The following EPN1 variants were observed in gnomAD, a reference collection of about 807,000 sequenced individuals.
EPN1 encodes epsin 1, also known as epsin-1.
In EPN1, 25 loss-of-function variants were observed where a neutral mutation model predicts 56.9. The observed-to-expected ratio is 0.44, with a 90% CI of 0.32 to 0.61. The LOEUF is 0.61. Among genes scored for constraint, EPN1 ranks in the 20% least tolerant of loss-of-function variants. The pLI is 0.05. For missense variants in EPN1, 785 were observed against 823.7 expected (o/e 0.95, Z 0.58); for synonymous variants, 411 against 361.8 (o/e 1.14, Z -1.54).
At chr19:55,683,965 C>T (rs1373630509) in intron 2 of EPN1, among the ~76,000 whole-genome samples, 1 of 152,180 alleles carries the variant, frequency 6.6e-6, no homozygotes, top group Admixed American at 6.5e-5. Flanking sequence ...GGTCTGAACT[C>T]AGGAAAATTC....
In EPN1 at chr19:55,698,602, C is replaced by G. The variant is rs1020528043; in HGVS notation, c.*3246C>G. 3.9e-5 allele frequency: 6 copies of G among 152,516 alleles called. No individual in the cohort carries two copies. The highest frequency in any genetic ancestry group is 2.0e-4 in the Admixed American group (3 of 15,282). 9.4% of individuals were successfully genotyped at this position (152,516 alleles called of 1,614,324 possible). A position where few individuals can be genotyped will look rare whatever the true frequency, so the allele number is the denominator to read the frequency against. On this transcript the variant is annotated 3_prime_UTR_variant, in exon 11 of 11. Transcript: ENST00000270460. ...CCTCGCCCTACGCTTGCCCCTCGCT[C>G]TGGAGCTGCGATGCCAGCCTCAGGG...
rs940025275 is a variant in EPN1, at chr19:55,704,969, T to C, written c.*9613T>C. 14 of 152,392 alleles carry C rather than the reference T, an allele frequency of 9.2e-5. No individual in the cohort carries two copies. The highest frequency in any genetic ancestry group is 3.4e-4 in the African/African-American group (14 of 41,574). The allele number at this position is 152,392 out of a possible 1,614,324, so 9.4% of individuals were successfully genotyped here. ...TTCTCATCCACTTCCCAAGCATCTC[T>C]GGCTGAATGCTGTTCTACACATGCA... On this transcript the variant is annotated 3_prime_UTR_variant, in exon 11 of 11. Coordinates refer to ENST00000270460, the MANE Select transcript of EPN1 (RefSeq NM_001130072.2).
At chr19:55,679,905 T>C (rs946327422) in intron 2 of EPN1, among the ~76,000 whole-genome samples, 9 of 152,240 alleles carry the variant, frequency 5.9e-5, no homozygotes, top group African/African-American at 1.9e-4. Context: ...TGAGCCTCTC[T>C]GGAGGCAACG....
intron 3 of EPN1, 22 bp from the exon 4 acceptor site, chr19:55,688,848 G>A (rs756339147): frequency 1.1e-5 from 17 of 1,568,890 alleles, no homozygotes; most frequent in Non-Finnish European, 1.4e-5. Context: ...TGGGTCTCAC[G>A]CGTTTCTCAC....
chr19:55,699,838 C>T lies in EPN1; in HGVS notation c.*4482C>T, dbSNP rs1354209871. ...GTTTTGTATTGAATGTTTCTTCATG[C>T]TTTTGTTTTACTTTCAGGGATAATT... On this transcript the variant is annotated 3_prime_UTR_variant, in exon 11 of 11. Coordinates refer to ENST00000270460, the MANE Select transcript of EPN1 (RefSeq NM_001130072.2). The T allele has an allele frequency of 6.6e-6, 1 of 151,972 alleles. No homozygotes were observed. Among genetic ancestry groups the T allele is most frequent in the Non-Finnish European group, 1.5e-5 (1 of 67,998 alleles). The allele number at this position is 151,972 out of a possible 1,614,324, so 9.4% of individuals were successfully genotyped here.
In EPN1 at chr19:55,705,532, C is replaced by G. The variant is rs989737246; in HGVS notation, c.*10176C>G. ...TGCATAGTGGCATGCACCTGTAGTCCCAGCTACTCGGGATGCTGAGATGGG... is the reference window on the plus strand; with the variant it reads ...TGCATAGTGGCATGCACCTGTAGTCGCAGCTACTCGGGATGCTGAGATGGG... On this transcript the variant is annotated 3_prime_UTR_variant, in exon 11 of 11. Coordinates refer to ENST00000270460, the MANE Select transcript of EPN1 (RefSeq NM_001130072.2). 6.6e-6 allele frequency: 1 copy of G among 152,022 alleles called. No individual in the cohort carries two copies. The highest frequency in any genetic ancestry group is 2.4e-5 in the African/African-American group (1 of 41,348). The allele number at this position is 152,022 out of a possible 1,614,324, so 9.4% of individuals were successfully genotyped here.
rs1568582359 is a variant in EPN1, at chr19:55,695,281, TGGC to T, written c.1659_1661del (p.Gly555del). On this transcript the variant is annotated inframe_deletion, in exon 11 of 11. Transcript: ENST00000270460. This position sits in a 1 kb window ranked among gnomAD's most constrained non-coding sequence, Gnocchi z 4.4. Reference sequence around the variant, plus strand: ...CGCCACCCACGTACATCTCTCCCCTTGGCGGGGGCCCTGGCCTGCCCCCCATGA... The same window carrying T: ...CGCCACCCACGTACATCTCTCCCCTTGGGGGCCCTGGCCTGCCCCCCATGA... 1 of 1,595,910 alleles carries T rather than the reference TGGC, an allele frequency of 6.3e-7. No homozygotes were observed. Among genetic ancestry groups the T allele is most frequent in the East Asian group, 2.3e-5 (1 of 43,550 alleles).
At position 55,695,443 on chromosome 19, in the gene EPN1, G is replaced by A. The variant is rs536568293; in HGVS notation, c.*87G>A. 9.8e-6 allele frequency: 7 copies of A among 717,784 alleles called. No individual in the cohort carries two copies. The highest frequency in any genetic ancestry group is 1.8e-5 in the South Asian group (1 of 55,238). 44.5% of individuals were successfully genotyped at this position (717,784 alleles called of 1,614,324 possible). A position where few individuals can be genotyped will look rare whatever the true frequency, so the allele number is the denominator to read the frequency against. The stretch of plus-strand genomic sequence containing the variant: ...GTGTTGTGAGTGCATGTGAAATGGG[G>A]GATCCCCACCCCCAGTGCCCTTCCC... On this transcript the variant is annotated 3_prime_UTR_variant, in exon 11 of 11. Transcript: ENST00000270460. This position sits in a 1 kb window ranked among gnomAD's most constrained non-coding sequence, Gnocchi z 4.4.
At chr19:55,693,332 A>G (rs73613290) in intron 9 of EPN1, 6,076 of 390,244 alleles carry the variant, frequency 0.016, 336 homozygotes, top group African/African-American at 0.11. Context: ...GTGCCTTGCA[A>G]ACTCTCCAGG....
At chr19:55,690,057 C>G (rs993053178) in intron 6 of EPN1, 107 bp downstream of exon 6, 1 of 1,104,408 alleles carries the variant, frequency 9.1e-7, no homozygotes, top group East Asian at 2.6e-5. Context: ...AACACAAGGT[C>G]CTGGAGCTGG....
At chr19:55,681,368 G>T (rs545242734) in intron 2 of EPN1, among the ~76,000 whole-genome samples, 1 of 152,214 alleles carries the variant, frequency 6.6e-6, no homozygotes, top group South Asian at 2.1e-4. Flanking sequence ...GCTCTACCTC[G>T]CAGGAGGTGG....
rs774082917 is a variant in EPN1, at chr19:55,691,796, C to T, written c.805C>T (p.Pro269Ser). ...TGCTGACGTCTTCACGGCCCCAGCTCCTGCCCCGACCACAGACCCCTGGGG... is the reference window on the plus strand; with the variant it reads ...TGCTGACGTCTTCACGGCCCCAGCTTCTGCCCCGACCACAGACCCCTGGGG... ...DLADVFTAPA[P>S]APTTDPWGGP... The change falls in exon 7 of 11, where the codon CCT becomes TCT. Residue 269 changes from proline (P) to serine (S), a missense_variant. By Grantham distance (74) the Pro-to-Ser change is moderately conservative (BLOSUM62 -1). Coordinates refer to ENST00000270460, the MANE Select transcript of EPN1 (RefSeq NM_001130072.2). The surrounding 1 kb of genome is among the most constrained non-coding windows in gnomAD (Gnocchi z 5.6). 6.2e-7 allele frequency: 1 copy of T among 1,612,850 alleles called. No individual in the cohort carries two copies. The highest frequency in any genetic ancestry group is 8.5e-7 in the Non-Finnish European group (1 of 1,179,398).
intron 1 of EPN1, among the ~76,000 whole-genome samples, chr19:55,675,746 C>T (rs968826853): frequency 1.3e-5 from 2 of 152,044 alleles, no homozygotes; most frequent in African/African-American, 4.8e-5. Context: ...CTCTGTCTGT[C>T]GTGTCTGTGT....
rs1211508876 is a variant in EPN1, at chr19:55,708,243, T to C, written c.*12887T>C. The C allele has an allele frequency of 2.0e-5, 3 of 152,256 alleles. No individual in the cohort carries two copies. The highest frequency in any genetic ancestry group is 4.4e-5 in the Non-Finnish European group (3 of 68,052). 9.4% of individuals were successfully genotyped at this position (152,256 alleles called of 1,614,324 possible). A position where few individuals can be genotyped will look rare whatever the true frequency, so the allele number is the denominator to read the frequency against. On this transcript the variant is annotated 3_prime_UTR_variant, in exon 11 of 11. Coordinates refer to ENST00000270460, the MANE Select transcript of EPN1 (RefSeq NM_001130072.2). ...CAATTTCTGCATCATCTTGCTTTTA[T>C]GTTTTGTAATAAAAATTTTAGACCA...
intron 3 of EPN1, 46 bp from the exon 4 acceptor site, chr19:55,688,824 C>T: frequency 6.4e-7 from 1 of 1,557,356 alleles, no homozygotes; most frequent in Non-Finnish European, 8.7e-7. Flanking sequence ...TTTCCTGTCT[C>T]TCGTTCCCTG....
Position 55,685,457 on chromosome 19 carries a change from A to C in EPN1, c.290A>C (p.Lys97Thr). The C allele has an allele frequency of 6.2e-7, 1 of 1,611,766 alleles. No homozygotes were observed. The highest frequency in any genetic ancestry group is 8.5e-7 in the Non-Finnish European group (1 of 1,179,152). The change falls in exon 3 of 11, where the codon AAG (lysine) becomes ACG (threonine). Residue 97 changes from lysine to threonine, a missense_variant. Lys to Thr is a moderately conservative substitution (Grantham distance 78). Transcript: ENST00000270460. ...TGSERVSQQC[K>T]ENMYAVQTLK... is the part of the protein sequence containing the mutation. ...TCGGAGCGCGTGTCGCAGCAGTGCA[A>C]GGAGAACATGTACGCCGTGCAGACG...
At chr19:55,684,699 C>T (rs1351414396) in intron 2 of EPN1, among the ~76,000 whole-genome samples, 3 of 152,158 alleles carry the variant, frequency 2.0e-5, no homozygotes, top group African/African-American at 4.8e-5. Flanking sequence ...TTAGTACCAG[C>T]GTGAGGTTTT....
In EPN1 at chr19:55,695,086, A is replaced by G. The variant is rs1357146115; in HGVS notation, c.1523-62A>G. 19 of 1,609,806 alleles carry G rather than the reference A, an allele frequency of 1.2e-5. No homozygotes were observed. Among genetic ancestry groups the G allele is most frequent in the Non-Finnish European group, 1.6e-5 (19 of 1,177,478 alleles). On this transcript the variant is annotated intron_variant, in intron 10 of 10. Transcript: ENST00000270460. This position sits in a 1 kb window ranked among gnomAD's most constrained non-coding sequence, Gnocchi z 4.4. The stretch of plus-strand genomic sequence containing the variant: ...TTCGCCCTTTGCCTGCACATGCTGG[A>G]TGGACACAGGTGGGCTGCGCCACTG...
In EPN1 at chr19:55,695,316, C is replaced by T. The variant is rs371999678; in HGVS notation, c.1691C>T (p.Pro564Leu). Residue 564 changes from proline to leucine, a missense_variant, in exon 11 of 11, where the codon CCG becomes CTG. By Grantham distance (98) the Pro-to-Leu change is moderately conservative. Transcript: ENST00000270460. The surrounding 1 kb of genome is among the most constrained non-coding windows in gnomAD (Gnocchi z 4.4). ...GGPGLPPMMP[P>L]GPPAPNTNPF... ...CCTGGCCTGCCCCCCATGATGCCCCCGGGCCCCCCGGCCCCCAACACTAAT... is the reference window on the plus strand; with the variant it reads ...CCTGGCCTGCCCCCCATGATGCCCCTGGGCCCCCCGGCCCCCAACACTAAT... The T allele has an allele frequency of 1.9e-5, 30 of 1,541,762 alleles. No individual in the cohort carries two copies. The highest frequency in any genetic ancestry group is 5.8e-5 in the Admixed American group (3 of 51,388).
Sources: gnomAD v4.1 joint callset for allele counts (sites outside exome capture counted in the v4.1 genomes callset) on GRCh38, gnomAD v4.1.1 for gene constraint, Gnocchi (gnomAD v3.1) non-coding constraint, MANE v1.5 for transcripts, NCBI Gene and HGNC (gene_info 2026-07-23, HGNC 2026-07-21) for gene names.